GSTCD: variants seen among roughly 807,000 people sequenced by gnomAD.
The protein encoded by GSTCD is glutathione S-transferase C-terminal domain-containing protein.
A neutral mutation model predicts 68.3 loss-of-function variants in GSTCD; 44 were observed. The ratio of observed to expected loss-of-function variants is 0.64; its 90% CI spans 0.51 to 0.83. The LOEUF (loss-of-function observed/expected upper bound fraction) is 0.83. Ranked by LOEUF, GSTCD falls within the 40% of genes least tolerant of loss-of-function variation. GSTCD has a pLI of 0.00. For missense variants in GSTCD, 739 were observed against 735.9 expected, an observed-to-expected ratio of 1.00 and a Z score of -0.05; for synonymous variants, 273 against 255.2, an observed-to-expected ratio of 1.07 and a Z score of -0.67.
chr4:105,756,792 A>G (rs935245760), intron 5 of GSTCD, among the ~76,000 whole-genome samples: 1 of 152,016 alleles, frequency 6.6e-6, no homozygotes, highest in African/African-American at 2.4e-5. Context: ...GACATTAGAG[A>G]TCACCTAAAA....
intron 5 of GSTCD, among the ~76,000 whole-genome samples, chr4:105,741,501 C>T (rs1429134989): frequency 1.3e-5 from 2 of 152,130 alleles, no homozygotes; most frequent in African/African-American, 2.4e-5. Flanking sequence ...ATCCAATTTT[C>T]ATTAATATTT....
At chr4:105,713,498 T>C (rs1478518471) in intron 1 of GSTCD, among the ~76,000 whole-genome samples, 2 of 152,248 alleles carry the variant, frequency 1.3e-5, no homozygotes, top group African/African-American at 2.4e-5. Context: ...AGTACTGTTA[T>C]ATTAGAACAA....
At chr4:105,806,874 T>C (rs1288333270) in intron 5 of GSTCD, among the ~76,000 whole-genome samples, 1 of 152,136 alleles carries the variant, frequency 6.6e-6, no homozygotes, top group African/African-American at 2.4e-5. Context: ...CACTGTGCAC[T>C]GCATTTCATC....
intron 5 of GSTCD, chr4:105,761,978 A>G (rs1315812764): frequency 6.6e-6 from 1 of 152,144 alleles, no homozygotes; most frequent in African/African-American, 2.4e-5. Context: ...CCCCACCTCA[A>G]CTCTCCCGAA....
intron 5 of GSTCD, among the ~76,000 whole-genome samples, chr4:105,759,756 A>T (rs1253601563): frequency 6.6e-6 from 1 of 152,174 alleles, no homozygotes; most frequent in East Asian, 1.9e-4. Context: ...TATCCCTAAG[A>T]TCTGATTTTT....
At chr4:105,822,872 G>T (rs1723376279) in intron 5 of GSTCD, 82 bp from the exon 6 acceptor site, 1 of 903,834 alleles carries the variant, frequency 1.1e-6, no homozygotes, top group African/African-American at 1.6e-5. Flanking sequence ...CCTCCTCTAT[G>T]CTGGTAGTCT....
At chr4:105,782,216 G>A (rs910648361) in intron 5 of GSTCD, among the ~76,000 whole-genome samples, 6 of 152,118 alleles carry the variant, frequency 3.9e-5, no homozygotes, top group Non-Finnish European at 8.8e-5. Flanking sequence ...GGAGAAAGAC[G>A]GCCAGGTGTG....
chr4:105,733,490 A>T lies in GSTCD; in HGVS notation c.1240+3991A>T, dbSNP rs942864668. 1.4e-4 allele frequency among the ~76,000 whole-genome samples: 21 copies of T among 152,184 alleles called. No individual in the cohort carries two copies. In the South Asian group the frequency reaches 3.3e-3, roughly 24 times the overall value. ...CTTTGTTGGTTTAAAGTCTGTTTTA[A>T]CAGAGACTAGGATTGCAAACCCTGC... is the stretch of plus-strand genomic sequence containing the variant. On this transcript the variant is annotated intron_variant, in intron 5 of 11. Transcript: ENST00000515279.
At chr4:105,729,741 T>C (rs1479180214) in intron 5 of GSTCD, among the ~76,000 whole-genome samples, 1 of 152,168 alleles carries the variant, frequency 6.6e-6, no homozygotes, top group African/African-American at 2.4e-5. Flanking sequence ...CATATTTTGA[T>C]TTTTGTTTTG....
chr4:105,744,940 CT>C (rs1372028831), intron 5 of GSTCD, among the ~76,000 whole-genome samples: 1 of 152,170 alleles, frequency 6.6e-6, no homozygotes, highest in Non-Finnish European at 1.5e-5. Flanking sequence ...ACATATACAA[CT>C]ATACACATCA....
At chr4:105,733,205 T>C (rs1294668) in intron 5 of GSTCD, among the ~76,000 whole-genome samples, 141,249 of 152,198 alleles carry the variant, frequency 0.93, 65,550 homozygotes, top group East Asian at 0.97. Context: ...GTATTTGGTT[T>C]GCTTGGTGTG....
chr4:105,728,799 T>G (rs576835619), intron 4 of GSTCD, among the ~76,000 whole-genome samples: 1 of 152,194 alleles, frequency 6.6e-6, no homozygotes, highest in African/African-American at 2.4e-5. Context: ...AATAAACAAA[T>G]GTACAGCTTC....
At chr4:105,839,041 A>T (rs2544413) in intron 10 of GSTCD, among the ~76,000 whole-genome samples, 92,579 of 152,080 alleles carry the variant, frequency 0.61, 33,829 homozygotes, top group East Asian at 0.9. Context: ...TATAACTCAA[A>T]TGCCCACTTC....
chr4:105,721,189 CT>C (rs1190170623), intron 3 of GSTCD, among the ~76,000 whole-genome samples: 6 of 151,996 alleles, frequency 3.9e-5, no homozygotes, highest in African/African-American at 1.4e-4. Flanking sequence ...GGCCAGGCTG[CT>C]TTCGAACTCC....
intron 8 of GSTCD, among the ~76,000 whole-genome samples, chr4:105,826,305 G>T (rs1309121102): frequency 6.6e-6 from 1 of 151,926 alleles, no homozygotes; most frequent in African/African-American, 2.4e-5. Flanking sequence ...GGATCAAATT[G>T]TTATTATTTG....
intron 3 of GSTCD, among the ~76,000 whole-genome samples, chr4:105,720,431 A>G (rs1373976120): frequency 6.6e-6 from 1 of 152,196 alleles, no homozygotes; most frequent in Non-Finnish European, 1.5e-5. Context: ...CAATTCAGGT[A>G]TCTCTATGGA....
intron 5 of GSTCD, among the ~76,000 whole-genome samples, chr4:105,816,345 C>G (rs765904523): frequency 3.3e-5 from 5 of 152,062 alleles, no homozygotes; most frequent in Non-Finnish European, 7.4e-5. Context: ...ATTGCTCAAC[C>G]TCTCCATGTC....
intron 5 of GSTCD, among the ~76,000 whole-genome samples, chr4:105,809,917 C>G (rs191253435): frequency 1.3e-5 from 2 of 152,136 alleles, no homozygotes; most frequent in African/African-American, 4.8e-5. Context: ...GCTGCTACTA[C>G]TAATCCCAGT....
intron 5 of GSTCD, among the ~76,000 whole-genome samples, chr4:105,749,266 C>T (rs1219980708): frequency 2.6e-5 from 4 of 151,728 alleles, no homozygotes; most frequent in African/African-American, 4.8e-5. Context: ...AAAAATTTCA[C>T]GTGAAGTAAC....
Sources: gnomAD v4.1 joint callset for allele counts (sites outside exome capture counted in the v4.1 genomes callset) on GRCh38, gnomAD v4.1.1 for gene constraint, MANE v1.5 for transcripts, NCBI Gene and HGNC (gene_info 2026-07-23, HGNC 2026-07-21) for gene names.